The following PCID2 variants were observed in gnomAD, a reference collection of about 807,000 sequenced individuals.
PCID2 encodes PCI domain containing 2.
Under a neutral mutation model 61.3 loss-of-function variants are expected in PCID2, and 41 were observed. That is an observed-to-expected ratio of 0.67 (90% CI 0.52 to 0.87). The LOEUF (loss-of-function observed/expected upper bound fraction) is 0.87, where lower values mean the gene tolerates loss of function less well. Among genes scored for constraint, PCID2 ranks in the 40% least tolerant of loss-of-function variants. The probability of loss-of-function intolerance (pLI) is 0.00; values close to 1 mark genes in which losing one functional copy is unlikely to be tolerated. For synonymous variants in PCID2, 187 were observed against 177.8 expected, an observed-to-expected ratio of 1.05 and a Z score of -0.41; for missense variants, 392 against 493.4, an observed-to-expected ratio of 0.79 and a Z score of 1.95.
chr13:113,171,471 G>A, the PCID2 span: 8 of 1,236,930 alleles, frequency 6.5e-6, no homozygotes, highest in East Asian at 1.5e-4. This position sits in a 1 kb window ranked among gnomAD's most constrained non-coding sequence, Gnocchi z 5.1. Context: ...ACGGGGCGGT[G>A]AGCCTGCGGG....
intron 1 of PCID2, chr13:113,208,262 T>G (rs1461189457): frequency 2.1e-6 from 3 of 1,445,234 alleles, no homozygotes. Context: ...GCCCTCGGCG[T>G]GGCCCGCAGG....
intron 5 of PCID2, 116 bp from the exon 6 acceptor site, chr13:113,195,241 T>C: frequency 1.4e-6 from 1 of 717,276 alleles, no homozygotes; most frequent in Non-Finnish European, 2.6e-6. Flanking sequence ...TCCGCACTTA[T>C]CCAAAACTCT....
chr13:113,168,218 GATAA>G, the PCID2 span, among the ~76,000 whole-genome samples: 5 of 152,230 alleles, frequency 3.3e-5, no homozygotes, highest in African/African-American at 7.2e-5. Context: ...GTGGAATGCG[GATAA>G]ATATTTAATG....
At chr13:113,167,075 A>T in the PCID2 span, among the ~76,000 whole-genome samples, 1 of 152,254 alleles carries the variant, frequency 6.6e-6, no homozygotes, top group Admixed American at 6.5e-5. Flanking sequence ...TTTTCCTAAA[A>T]CAAACTTTGA....
At chr13:113,184,296 G>A (rs1343549873) in intron 9 of PCID2, 50 bp downstream of exon 9, 5 of 1,493,674 alleles carry the variant, frequency 3.3e-6, no homozygotes, top group South Asian at 1.1e-5. Context: ...AAGTTGTTCA[G>A]AATGCAATGT....
chr13:113,178,869 C>T (rs1000240800), intron 13 of PCID2, 97 bp downstream of exon 13: 1 of 1,243,742 alleles, frequency 8.0e-7, no homozygotes, highest in Non-Finnish European at 1.1e-6. Context: ...AAGCAGAAGG[C>T]CTTTTAACAA....
At chr13:113,184,161 T>A (rs1258096050) in intron 9 of PCID2, 185 bp downstream of exon 9, 4 of 430,690 alleles carry the variant, frequency 9.3e-6, no homozygotes, top group Non-Finnish European at 9.3e-6. Flanking sequence ...AGAGACCCAG[T>A]ATGGATTAAG....
intron 9 of PCID2, among the ~76,000 whole-genome samples, chr13:113,183,083 T>C (rs1450274476): frequency 6.6e-6 from 1 of 152,050 alleles, no homozygotes; most frequent in Non-Finnish European, 1.5e-5. Context: ...AGCAGTAAAA[T>C]GGAAAACAAA....
At chr13:113,171,752 G>A in the PCID2 span, 22 of 1,611,976 alleles carry the variant, frequency 1.4e-5, no homozygotes, top group Non-Finnish European at 1.9e-5. The surrounding 1 kb of genome is among the most constrained non-coding windows in gnomAD (Gnocchi z 5.1). Flanking sequence ...GTGCACCCCT[G>A]AGAAAGACTT....
At position 113,181,187 on chromosome 13, in the gene PCID2, A is replaced by G. The variant is rs2037602411; in HGVS notation, c.729T>C (p.Ser243=). Residue 243 remains serine, a synonymous_variant, in exon 10 of 14, where the codon TCT becomes TCC. Coordinates refer to ENST00000337344, the MANE Select transcript of PCID2 (RefSeq NM_001127202.4). ...GAATCATCCTTTTGTTCTTCTGACTAGAACGGTGACAATGCTCAAAGGCAA... is the reference window on the plus strand; with the variant it reads ...GAATCATCCTTTTGTTCTTCTGACTGGAACGGTGACAATGCTCAAAGGCAA... ...LSFAFEHCHR[S]SQKNKRMILI... is the part of the protein sequence containing the mutation. The G allele has an allele frequency of 1.2e-6, 2 of 1,613,858 alleles. No homozygotes were observed. Among genetic ancestry groups the G allele is most frequent in the African/African-American group, 1.3e-5 (1 of 74,936 alleles).
At chr13:113,191,171 T>C (rs1046112305) in intron 6 of PCID2, among the ~76,000 whole-genome samples, 196 bp from the exon 7 acceptor site, 3 of 152,024 alleles carry the variant, frequency 2.0e-5, no homozygotes, top group African/African-American at 7.2e-5. Context: ...GTTTTGGGTT[T>C]TGTTTTTTTA....
Position 113,185,565 on chromosome 13 carries a change from G to A in PCID2, c.468-5C>T. ...GAGTCCTCTATACCAGCACGGCTAT[G>A]GGGAAATAATTTTTTTTAAGTTACA... On this transcript the variant is annotated splice_region_variant and splice_polypyrimidine_tract_variant and intron_variant, in intron 7 of 13. Coordinates refer to ENST00000337344, the MANE Select transcript of PCID2 (RefSeq NM_001127202.4). The A allele has an allele frequency of 6.3e-7, 1 of 1,592,282 alleles. No homozygotes were observed. Among genetic ancestry groups the A allele is most frequent in the Non-Finnish European group, 8.6e-7 (1 of 1,164,286 alleles).
intron 1 of PCID2, among the ~76,000 whole-genome samples, chr13:113,203,280 C>A (rs565280914): frequency 2.6e-5 from 4 of 152,338 alleles, no homozygotes; most frequent in African/African-American, 9.6e-5. Context: ...AGGCAGCCCT[C>A]CTGCCCCAGT....
chr13:113,171,800 C>T, the PCID2 span: 3 of 1,613,586 alleles, frequency 1.9e-6, no homozygotes, highest in Non-Finnish European at 2.5e-6. This position sits in a 1 kb window ranked among gnomAD's most constrained non-coding sequence, Gnocchi z 5.1. Context: ...CAGGGGCCTC[C>T]TCAGCGGCTG....
the PCID2 span, among the ~76,000 whole-genome samples, chr13:113,171,089 A>AT: frequency 6.6e-6 from 1 of 151,790 alleles, no homozygotes; most frequent in Non-Finnish European, 1.5e-5. The surrounding 1 kb of genome is among the most constrained non-coding windows in gnomAD (Gnocchi z 5.1). Flanking sequence ...TATCCCACTA[A>AT]TTTTTTGTAT....
At chr13:113,176,379 C>T (rs1404481102), downstream of PCID2, among the ~76,000 whole-genome samples, 1 of 7,572 alleles carries the variant, frequency 1.3e-4, no homozygotes, top group Non-Finnish European at 6.2e-4. Flanking sequence ...CCCAGTGTGA[C>T]TGTATCTGGA....
the PCID2 span, among the ~76,000 whole-genome samples, chr13:113,171,240 C>A: frequency 6.6e-6 from 1 of 152,168 alleles, no homozygotes; most frequent in African/African-American, 2.4e-5. This position sits in a 1 kb window ranked among gnomAD's most constrained non-coding sequence, Gnocchi z 5.1. Flanking sequence ...ATTTTTCAAT[C>A]AACAAAATAA....
chr13:113,168,014 C>G, the PCID2 span, among the ~76,000 whole-genome samples: 4 of 152,182 alleles, frequency 2.6e-5, no homozygotes, highest in East Asian at 7.7e-4. Context: ...TCGCCGACGC[C>G]ACATCCGCTC....
At chr13:113,169,057 C>T in the PCID2 span, among the ~76,000 whole-genome samples, 1 of 152,122 alleles carries the variant, frequency 6.6e-6, no homozygotes, top group Non-Finnish European at 1.5e-5. Flanking sequence ...TTTCTCTCCT[C>T]CTTCTCCCTG....
Sources: gnomAD v4.1 joint callset for allele counts (sites outside exome capture counted in the v4.1 genomes callset) on GRCh38, gnomAD v4.1.1 for gene constraint, Gnocchi (gnomAD v3.1) non-coding constraint, MANE v1.5 for transcripts, NCBI Gene and HGNC (gene_info 2026-07-23, HGNC 2026-07-21) for gene names.